Variants in FZR1 observed in about 807,000 individuals in gnomAD.
The protein encoded by FZR1 is fizzy and cell division cycle 20 related 1.
FZR1 carries 11 observed loss-of-function variants against 63.6 expected under a neutral mutation model. That is an observed-to-expected ratio of 0.17 (90% CI 0.11 to 0.29). The LOEUF (loss-of-function observed/expected upper bound fraction) is 0.29. Among genes scored for constraint, FZR1 ranks in the 10% least tolerant of loss-of-function variants. The probability of loss-of-function intolerance (pLI) is 1.00; values close to 1 mark genes in which losing one functional copy is unlikely to be tolerated. For synonymous variants in FZR1, 328 were observed against 297.9 expected (o/e 1.10, Z -1.04); for missense variants, 440 against 687.5 (o/e 0.64, Z 4.03).
At chr19:3,530,747 G>A (rs893509122) in intron 7 of FZR1, 45 bp from the exon 8 acceptor site, 5 of 1,488,884 alleles carry the variant, frequency 3.4e-6, no homozygotes, top group Non-Finnish European at 4.7e-6. Flanking sequence ...GATAGACTGG[G>A]GCTTCGAGAC....
chr19:3,533,228 A>G lies in FZR1; in HGVS notation c.1243-66A>G. The G allele has an allele frequency of 1.0e-6, 1 of 967,598 alleles. No homozygotes were observed. Among genetic ancestry groups the G allele is most frequent in the Non-Finnish European group, 1.7e-6 (1 of 600,794 alleles). 59.9% of individuals were successfully genotyped at this position (967,598 alleles called of 1,614,324 possible). On this transcript the variant is annotated intron_variant, in intron 11 of 13. Coordinates refer to ENST00000441788, the MANE Select transcript of FZR1 (RefSeq NM_016263.4). This position sits in a 1 kb window ranked among gnomAD's most constrained non-coding sequence, Gnocchi z 4.9. ...ACATGGGCTCAGGCGGGTGCATGTG[A>G]GGCAGCAGGCATAGCACCCGGCCTC... is the stretch of plus-strand genomic sequence containing the variant.
At chr19:3,508,868 A>G (rs553197851) in intron 1 of FZR1, among the ~76,000 whole-genome samples, 13 of 152,266 alleles carry the variant, frequency 8.5e-5, no homozygotes, top group East Asian at 3.9e-4. Context: ...CCTGTCCCCA[A>G]TGTCTGGACT....
At position 3,536,818 on chromosome 19, in the gene FZR1, T is replaced by C. The variant is rs8100223; in HGVS notation, c.*1982T>C. 90,417 of 152,152 alleles carry C rather than the reference T, an allele frequency of 0.59. 29,086 individuals carry two copies. Among genetic ancestry groups the C allele is most frequent in the East Asian group, 0.84 (4,341 of 5,166 alleles). The allele number at this position is 152,152 out of a possible 1,614,324, so 9.4% of individuals were successfully genotyped here. A position where few individuals can be genotyped will look rare whatever the true frequency, so the allele number is the denominator to read the frequency against. On this transcript the variant is annotated 3_prime_UTR_variant, in exon 14 of 14. Transcript: ENST00000441788. ...GGGGTCACACGGTCCTGCCCTAGAG[T>C]CCCCATCTGGCCCTGGAGCTGCAGA...
In FZR1 at chr19:3,526,866, G is replaced by T; in HGVS notation, c.388-114G>T. The T allele has an allele frequency of 1.3e-6, 1 of 745,472 alleles. No homozygotes were observed. Among genetic ancestry groups the T allele is most frequent in the Non-Finnish European group, 2.3e-6 (1 of 430,954 alleles). 46.2% of individuals were successfully genotyped at this position (745,472 alleles called of 1,614,324 possible). Reference sequence around the variant, plus strand: ...CCTTTTTACAGCTGCTCCACACAGGGTCTCAGCACCTGCCTTAGGGCTATG... The same window carrying T: ...CCTTTTTACAGCTGCTCCACACAGGTTCTCAGCACCTGCCTTAGGGCTATG... On this transcript the variant is annotated intron_variant, in intron 5 of 13. Transcript: ENST00000441788. This position sits in a 1 kb window ranked among gnomAD's most constrained non-coding sequence, Gnocchi z 5.4.
intron 7 of FZR1, 125 bp from the exon 8 acceptor site, chr19:3,530,667 T>G: frequency 2.1e-5 from 14 of 652,394 alleles, no homozygotes; most frequent in Non-Finnish European, 3.2e-5. Flanking sequence ...GATGGGAGAG[T>G]GGATGAGATT....
At position 3,525,460 on chromosome 19, in the gene FZR1, T is replaced by A. The variant is rs1239110985; in HGVS notation, c.70-408T>A. On this transcript the variant is annotated intron_variant, in intron 2 of 13. Coordinates refer to ENST00000441788, the MANE Select transcript of FZR1 (RefSeq NM_016263.4). The surrounding 1 kb of genome is among the most constrained non-coding windows in gnomAD (Gnocchi z 4.2). ...TTTTTTTTTTTTTTTTTTTTTTTTT[T>A]GAGACGGAGTCTCGCTCTGTCGCCC... Among the ~76,000 whole-genome samples, 13 of 146,708 alleles carry A rather than the reference T, an allele frequency of 8.9e-5. No individual in the cohort carries two copies. The East Asian group carries it at 2.4e-3, about 27-fold the overall frequency.
chr19:3,525,280 G>A lies in FZR1; in HGVS notation c.70-588G>A, dbSNP rs1445272236. 1.3e-5 allele frequency among the ~76,000 whole-genome samples: 2 copies of A among 151,918 alleles called. No individual in the cohort carries two copies. Among genetic ancestry groups the A allele is most frequent in the East Asian group, 1.9e-4 (1 of 5,170 alleles). ...GCCCCCATTCCTGCCACTCCACCCC[G>A]TCCCGTGGCCCTGCCCTCACCACCC... On this transcript the variant is annotated intron_variant, in intron 2 of 13. Coordinates refer to ENST00000441788, the MANE Select transcript of FZR1 (RefSeq NM_016263.4). The surrounding 1 kb of genome is among the most constrained non-coding windows in gnomAD (Gnocchi z 4.2).
At chr19:3,517,058 CGCT>C (rs1479257793) in intron 1 of FZR1, among the ~76,000 whole-genome samples, 2 of 152,238 alleles carry the variant, frequency 1.3e-5, no homozygotes, top group Non-Finnish European at 2.9e-5. Flanking sequence ...CGGTTACCAC[CGCT>C]GCTGCCAGTG....
intron 2 of FZR1, among the ~76,000 whole-genome samples, chr19:3,524,921 T>G (rs1374455556): frequency 6.6e-6 from 1 of 152,084 alleles, no homozygotes; most frequent in Non-Finnish European, 1.5e-5. Context: ...TGCAAGAAAC[T>G]CGTGTCCAAT....
At chr19:3,531,557 G>A (rs939021732) in intron 8 of FZR1, among the ~76,000 whole-genome samples, 157 bp from the exon 9 acceptor site, 2 of 152,226 alleles carry the variant, frequency 1.3e-5, no homozygotes, top group Non-Finnish European at 2.9e-5. Flanking sequence ...ACTGAGGGGG[G>A]TTTATGCTTC....
chr19:3,533,409 G>A lies in FZR1; in HGVS notation c.1347+11G>A, dbSNP rs376773008. ...CGCGTGCTGTACCTGGTGAGTTCAC[G>A]CCAGGCACTTCAAGGTGCCCCGGGA... is the stretch of plus-strand genomic sequence containing the variant. On this transcript the variant is annotated intron_variant, in intron 12 of 13. Coordinates refer to ENST00000441788, the MANE Select transcript of FZR1 (RefSeq NM_016263.4). This position sits in a 1 kb window ranked among gnomAD's most constrained non-coding sequence, Gnocchi z 4.9. 40 of 1,549,368 alleles carry A rather than the reference G, an allele frequency of 2.6e-5. No individual in the cohort carries two copies. The highest frequency in any genetic ancestry group is 1.4e-4 in the African/African-American group (10 of 73,596).
chr19:3,532,385 ACAG>A (rs1223176630), intron 10 of FZR1, 29 bp from the exon 11 acceptor site: 4 of 1,529,304 alleles, frequency 2.6e-6, no homozygotes, highest in South Asian at 2.3e-5. Flanking sequence ...CAGGGCTGGG[ACAG>A]CCCCGGCCTC....
Position 3,533,476 on chromosome 19 carries a change from T to A in FZR1, c.1347+78T>A. The A allele has an allele frequency of 6.9e-6, 6 of 866,074 alleles. No homozygotes were observed. Among genetic ancestry groups the A allele is most frequent in the Non-Finnish European group, 1.2e-5 (6 of 515,576 alleles). The allele number at this position is 866,074 out of a possible 1,614,324, so 53.6% of individuals were successfully genotyped here. The stretch of plus-strand genomic sequence containing the variant: ...ATGGCCACCCCAGAGCACCCTGTCC[T>A]GTGTTCTTAGGGAGGATGGTGTGCA... On this transcript the variant is annotated intron_variant, in intron 12 of 13. Coordinates refer to ENST00000441788, the MANE Select transcript of FZR1 (RefSeq NM_016263.4). This position sits in a 1 kb window ranked among gnomAD's most constrained non-coding sequence, Gnocchi z 4.9.
At position 3,535,193 on chromosome 19, in the gene FZR1, G is replaced by T. The variant is rs1004645202; in HGVS notation, c.*357G>T. The stretch of plus-strand genomic sequence containing the variant: ...TGTTCATCACCTGCCCACCGGAGCC[G>T]CATGCTCTTCCTGGAACTGCCCACG... On this transcript the variant is annotated 3_prime_UTR_variant, in exon 14 of 14. Coordinates refer to ENST00000441788, the MANE Select transcript of FZR1 (RefSeq NM_016263.4). 2 of 347,800 alleles carry T rather than the reference G, an allele frequency of 5.8e-6. No individual in the cohort carries two copies. The highest frequency in any genetic ancestry group is 5.5e-6 in the Non-Finnish European group (1 of 182,274). The allele number at this position is 347,800 out of a possible 1,614,324, so 21.5% of individuals were successfully genotyped here.
rs1568241244 is a variant in FZR1, at chr19:3,533,653, A to G, written c.1347+255A>G. The G allele has an allele frequency of 6.4e-6, 3 of 470,222 alleles. No homozygotes were observed. The highest frequency in any genetic ancestry group is 2.8e-5 in the South Asian group (1 of 36,038). 29.1% of individuals were successfully genotyped at this position (470,222 alleles called of 1,614,324 possible). A position where few individuals can be genotyped will look rare whatever the true frequency, so the allele number is the denominator to read the frequency against. On this transcript the variant is annotated intron_variant, in intron 12 of 13. Coordinates refer to ENST00000441788, the MANE Select transcript of FZR1 (RefSeq NM_016263.4). The surrounding 1 kb of genome is among the most constrained non-coding windows in gnomAD (Gnocchi z 4.9). ...AGGACCTTAGCTTCTTCATTTGTTT[A>G]TTTTCCCCATAAAGAGGGGTGAAGA...
At chr19:3,531,395 G>A (rs1318835256) in intron 8 of FZR1, among the ~76,000 whole-genome samples, 2 of 152,164 alleles carry the variant, frequency 1.3e-5, no homozygotes, top group South Asian at 2.1e-4. Flanking sequence ...CCCAGCTCCT[G>A]GGCCTGTGTG....
chr19:3,514,837 T>A lies in FZR1; in HGVS notation c.-34-8119T>A, dbSNP rs558678920. On this transcript the variant is annotated intron_variant, in intron 1 of 13. Transcript: ENST00000441788. This position sits in a 1 kb window ranked among gnomAD's most constrained non-coding sequence, Gnocchi z 4.2. ...CCCTGTCACTGTTTTGTCAGGTGAC[T>A]GGGTCATGCCCATTTCCCAGGGGAA... Among the ~76,000 whole-genome samples the A allele has an allele frequency of 6.6e-6, 1 of 152,206 alleles. No individual in the cohort carries two copies. The highest frequency in any genetic ancestry group is 2.4e-5 in the African/African-American group (1 of 41,448).
In FZR1 at chr19:3,531,495, C is replaced by T. The variant is rs568795338; in HGVS notation, c.721-219C>T. ...CCACGTACCGAGTCTTGGCTGGACT[C>T]TGAGAAACCCAGGCGCAGTGTGTGC... is the stretch of plus-strand genomic sequence containing the variant. On this transcript the variant is annotated intron_variant, in intron 8 of 13. Transcript: ENST00000441788. 3.3e-5 allele frequency among the ~76,000 whole-genome samples: 5 copies of T among 152,348 alleles called. No homozygotes were observed. The South Asian group carries it at 6.2e-4, about 19-fold the overall frequency.
intron 1 of FZR1, among the ~76,000 whole-genome samples, chr19:3,519,872 C>T (rs148273354): frequency 2.8e-5 from 4 of 143,868 alleles, no homozygotes; most frequent in East Asian, 2.1e-4. Flanking sequence ...GAATCGGTCC[C>T]GGGGGGCCCC....
Sources: allele counts gnomAD v4.1 joint callset (sites outside exome capture counted in the v4.1 genomes callset), GRCh38; gene constraint gnomAD v4.1.1; non-coding constraint Gnocchi (gnomAD v3.1); transcripts MANE v1.5; gene names NCBI Gene and HGNC (gene_info 2026-07-23, HGNC 2026-07-21).